Variants in SMARCA4 observed in about 807,000 individuals in gnomAD.
The protein encoded by SMARCA4 is SWI/SNF-related matrix-associated actin-dependent regulator of chromatin subfamily A member 4.
Under a neutral mutation model 193.9 loss-of-function variants are expected in SMARCA4, and 31 were observed. That is an observed-to-expected ratio of 0.16 (90% CI 0.12 to 0.22). The LOEUF (loss-of-function observed/expected upper bound fraction) is 0.22. Ranked by LOEUF, SMARCA4 falls within the 10% of genes least tolerant of loss-of-function variation. SMARCA4 has a pLI of 1.00. For missense variants in SMARCA4, 1,148 were observed against 2,296.0 expected (o/e 0.50, Z 10.22); for synonymous variants, 942 against 933.1 (o/e 1.01, Z -0.17).
intron 30 of SMARCA4, among the ~76,000 whole-genome samples, chr19:11,048,199 G>GA (rs971973953): frequency 6.6e-6 from 1 of 150,918 alleles, no homozygotes; most frequent in Non-Finnish European, 1.5e-5. Flanking sequence ...TCCAAGAAAA[G>GA]AAAAAAAACT....
chr19:11,051,732 G>A (rs1402028981), intron 30 of SMARCA4, among the ~76,000 whole-genome samples: 3 of 151,932 alleles, frequency 2.0e-5, no homozygotes, highest in South Asian at 2.1e-4. Context: ...CTCATGATCC[G>A]CCAGCCTCGG....
intron 9 of SMARCA4, chr19:10,995,373 C>T (rs1170189556): frequency 1.7e-5 from 8 of 473,434 alleles, no homozygotes; most frequent in Middle Eastern, 3.1e-4. Flanking sequence ...CAGATATTGG[C>T]AGCGTGTTCT....
intron 8 of SMARCA4, among the ~76,000 whole-genome samples, chr19:10,992,198 A>G (rs1462113358): frequency 1.4e-5 from 2 of 146,426 alleles, no homozygotes; most frequent in African/African-American, 5.1e-5. Flanking sequence ...TGCAACCTCC[A>G]TCTCCTGGGT....
intron 30 of SMARCA4, among the ~76,000 whole-genome samples, chr19:11,051,682 G>A (rs1012591666): frequency 2.0e-5 from 3 of 151,878 alleles, no homozygotes; most frequent in African/African-American, 7.3e-5. Context: ...GTAGAGATGG[G>A]GTTTAACCAC....
In SMARCA4 at chr19:10,986,130, G is replaced by T. The variant is rs2086004576; in HGVS notation, c.356-59G>T. On this transcript the variant is annotated intron_variant, in intron 3 of 34. Coordinates refer to ENST00000344626, the MANE Select transcript of SMARCA4 (RefSeq NM_003072.5). This position sits in a 1 kb window ranked among gnomAD's most constrained non-coding sequence, Gnocchi z 6.7. ...GTAGGAGCTGGTGTAGGGGGAAGAG[G>T]CTGTAAAAATCACAGACATATGCTG... 7.2e-7 allele frequency: 1 copy of T among 1,383,312 alleles called. No individual in the cohort carries two copies. The highest frequency in any genetic ancestry group is 1.0e-6 in the Non-Finnish European group (1 of 970,926). 85.7% of individuals were successfully genotyped at this position (1,383,312 alleles called of 1,614,324 possible). A position where few individuals can be genotyped will look rare whatever the true frequency, so the allele number is the denominator to read the frequency against.
rs2090184445 is a variant in SMARCA4, at chr19:11,025,487, C to G, written c.3147C>G (p.Pro1049=). 6.2e-7 allele frequency: 1 copy of G among 1,613,226 alleles called. No homozygotes were observed. Among genetic ancestry groups the G allele is most frequent in the South Asian group, 1.1e-5 (1 of 91,070 alleles). ...IMQLRKICNH[P]YMFQHIEESF... ...AGCTGCGGAAGATCTGCAACCACCC[C>G]TACATGTTCCAGCACATCGAGGTGA... Residue 1049 remains proline, a synonymous_variant, in exon 22 of 35, where the codon CCC becomes CCG. Coordinates refer to ENST00000344626, the MANE Select transcript of SMARCA4 (RefSeq NM_003072.5).
At chr19:11,045,748 T>TCTTGTAGC (rs1176816257) in intron 30 of SMARCA4, among the ~76,000 whole-genome samples, 1 of 152,060 alleles carries the variant, frequency 6.6e-6, no homozygotes, top group African/African-American at 2.4e-5. Context: ...CTACAGTCAG[T>TCTTGTAGC]CTTGTAGCCT....
At chr19:11,032,769 C>T (rs1006943147) in intron 25 of SMARCA4, 4 of 211,918 alleles carry the variant, frequency 1.9e-5, no homozygotes, top group South Asian at 8.8e-5. Flanking sequence ...TTCACTCATT[C>T]GAGGTATGCA....
chr19:11,056,990 C>T (rs1314318375), intron 30 of SMARCA4, among the ~76,000 whole-genome samples: 1 of 152,224 alleles, frequency 6.6e-6, no homozygotes, highest in East Asian at 1.9e-4. Context: ...GCTGCCCTGC[C>T]CTCTGGAATT....
intron 1 of SMARCA4, among the ~76,000 whole-genome samples, chr19:10,962,923 G>A (rs866998804): frequency 3.3e-5 from 5 of 152,080 alleles, no homozygotes; most frequent in South Asian, 2.1e-4. Flanking sequence ...GGTCCTTTCC[G>A]GTGTAGCTGT....
chr19:11,044,453 A>G (rs1486234242), intron 30 of SMARCA4, among the ~76,000 whole-genome samples: 1 of 152,176 alleles, frequency 6.6e-6, no homozygotes, highest in Non-Finnish European at 1.5e-5. Flanking sequence ...AGACAACACA[A>G]TTTAAAGCTG....
intron 23 of SMARCA4, among the ~76,000 whole-genome samples, chr19:11,026,777 G>T (rs377212520): frequency 1.6e-3 from 237 of 152,270 alleles, no homozygotes; most frequent in African/African-American, 5.5e-3. Flanking sequence ...GGAATTACAG[G>T]TGTGAGCCAC....
chr19:11,019,199 A>G lies in SMARCA4; in HGVS notation c.2505+176A>G. 1.4e-6 allele frequency: 1 copy of G among 694,264 alleles called. No individual in the cohort carries two copies. The highest frequency in any genetic ancestry group is 1.5e-5 in the South Asian group (1 of 65,908). 43.0% of individuals were successfully genotyped at this position (694,264 alleles called of 1,614,324 possible). A position where few individuals can be genotyped will look rare whatever the true frequency, so the allele number is the denominator to read the frequency against. The stretch of plus-strand genomic sequence containing the variant: ...ATGGATCCGGGAGTTTGGACTGGGC[A>G]GGGACAGGGCAGATTAGCTCACTGG... On this transcript the variant is annotated intron_variant, in intron 17 of 34. Transcript: ENST00000344626. This position sits in a 1 kb window ranked among gnomAD's most constrained non-coding sequence, Gnocchi z 6.1.
rs1302940605 is a variant in SMARCA4 at position 10,961,073 on chromosome 19, CTTCT to C, written c.-130_-127del. On this transcript the variant is annotated 5_prime_UTR_variant, in exon 1 of 35. Coordinates refer to ENST00000344626, the MANE Select transcript of SMARCA4 (RefSeq NM_003072.5). Reference sequence around the variant, plus strand: ...TCCCCTCGTTTGGCGGCGGCGGCGGCTTCTTTGTTTCGTGAAGAGAAGCGAGACG... The same window carrying C: ...TCCCCTCGTTTGGCGGCGGCGGCGGCTTGTTTCGTGAAGAGAAGCGAGACG... 1.3e-5 allele frequency: 2 copies of C among 149,224 alleles called. No individual in the cohort carries two copies. The highest frequency in any genetic ancestry group is 2.4e-5 in the African/African-American group (1 of 41,018). The allele number at this position is 149,224 out of a possible 1,614,324, so 9.2% of individuals were successfully genotyped here. A position where few individuals can be genotyped will look rare whatever the true frequency, so the allele number is the denominator to read the frequency against.
chr19:11,034,841 T>C lies in SMARCA4; in HGVS notation c.3952-73T>C, dbSNP rs2075166572. ...GGCAGAGAAAGGCCCTTCTGAACTC[T>C]CGGTGTTCTGGCTCTAGCGTGCCCC... On this transcript the variant is annotated intron_variant, in intron 28 of 34. Transcript: ENST00000344626. The surrounding 1 kb of genome is among the most constrained non-coding windows in gnomAD (Gnocchi z 7.0). The C allele has an allele frequency of 1.0e-6, 1 of 972,340 alleles. No homozygotes were observed. The highest frequency in any genetic ancestry group is 1.6e-6 in the Non-Finnish European group (1 of 631,324). 60.2% of individuals were successfully genotyped at this position (972,340 alleles called of 1,614,324 possible).
At position 10,987,839 on chromosome 19, in the gene SMARCA4, C is replaced by T. The variant is rs888226264; in HGVS notation, c.1033C>T (p.Leu345=). ...QPAQPAPMVP[L]HQKQSRITPI... ...GGCCCAGCCCGCGCCCATGGTGCCA[C>T]TGCACCAGAAGCAGAGCCGCATCAC... Residue 345 remains leucine, a synonymous_variant, in exon 6 of 35, where the codon CTG becomes TTG. Coordinates refer to ENST00000344626, the MANE Select transcript of SMARCA4 (RefSeq NM_003072.5). This position sits in a 1 kb window ranked among gnomAD's most constrained non-coding sequence, Gnocchi z 5.3. 3 of 1,611,184 alleles carry T rather than the reference C, an allele frequency of 1.9e-6. No homozygotes were observed. Among genetic ancestry groups the T allele is most frequent in the Non-Finnish European group, 2.5e-6 (3 of 1,179,152 alleles).
chr19:11,049,828 G>A (rs752016069), intron 30 of SMARCA4, among the ~76,000 whole-genome samples: 1 of 152,218 alleles, frequency 6.6e-6, no homozygotes, highest in African/African-American at 2.4e-5. Context: ...CGGGCCAGGC[G>A]CAGGCGCTCA....
chr19:11,021,429 T>G, intron 18 of SMARCA4: 2 of 509,468 alleles, frequency 3.9e-6, no homozygotes, highest in Non-Finnish European at 7.5e-6. Context: ...GTGCTGTAGA[T>G]TCATATGTGT....
intron 11 of SMARCA4, among the ~76,000 whole-genome samples, chr19:11,001,490 T>A (rs753375188): frequency 1.4e-4 from 22 of 152,146 alleles, no homozygotes; most frequent in Non-Finnish European, 2.1e-4. Context: ...AAAGCGAGGA[T>A]GCCCAAGCCT....
Sources: gnomAD v4.1 joint callset for allele counts (sites outside exome capture counted in the v4.1 genomes callset) on GRCh38, gnomAD v4.1.1 for gene constraint, Gnocchi (gnomAD v3.1) non-coding constraint, MANE v1.5 for transcripts, NCBI Gene and HGNC (gene_info 2026-07-23, HGNC 2026-07-21) for gene names.